The following PCDHGB7 variants were observed in gnomAD, a reference collection of about 807,000 sequenced individuals.
PCDHGB7 encodes protocadherin gamma subfamily B, 7, also known as protocadherin gamma-B7.
A neutral mutation model predicts 61.4 loss-of-function variants in PCDHGB7; 37 were observed. The observed-to-expected ratio is 0.60, with a 90% CI of 0.46 to 0.79. The LOEUF (loss-of-function observed/expected upper bound fraction) is 0.79, where lower values mean the gene tolerates loss of function less well. Ranked by LOEUF, PCDHGB7 falls within the 30% of genes least tolerant of loss-of-function variation. The pLI is 0.00. For synonymous variants in PCDHGB7, 464 were observed against 503.5 expected, an observed-to-expected ratio of 0.92 and a Z score of 1.05; for missense variants, 1,166 against 1,202.5, an observed-to-expected ratio of 0.97 and a Z score of 0.45.
chr5:141,439,459 A>T (rs558086952), intron 1 of PCDHGB7, among the ~76,000 whole-genome samples: 1 of 152,340 alleles, frequency 6.6e-6, no homozygotes, highest in African/African-American at 2.4e-5. Flanking sequence ...GCAAGACTGC[A>T]CTGCTGCCTT....
At chr5:141,453,093 C>A (rs1408495535) in intron 1 of PCDHGB7, among the ~76,000 whole-genome samples, 1 of 151,928 alleles carries the variant, frequency 6.6e-6, no homozygotes, top group African/African-American at 2.4e-5. Context: ...AGTATATTTT[C>A]TGTTGCTTTT....
intron 1 of PCDHGB7, among the ~76,000 whole-genome samples, chr5:141,435,175 C>T (rs1199067294): frequency 6.6e-6 from 1 of 152,030 alleles, no homozygotes; most frequent in East Asian, 1.9e-4. Context: ...TGGCTTTTAA[C>T]TACACTTGAG....
In PCDHGB7 at chr5:141,493,211, G is replaced by C. The variant is rs1312763933; in HGVS notation, c.2416-1596G>C. Reference sequence around the variant, plus strand: ...CTCCTTTGAGAACCTCATCTCATTTGCTCTTCCCACCATTGCTGTTGGCTA... The same window carrying C: ...CTCCTTTGAGAACCTCATCTCATTTCCTCTTCCCACCATTGCTGTTGGCTA... On this transcript the variant is annotated intron_variant, in intron 1 of 3. Transcript: ENST00000398594. The surrounding 1 kb of genome is among the most constrained non-coding windows in gnomAD (Gnocchi z 4.3). 6.6e-6 allele frequency among the ~76,000 whole-genome samples: 1 copy of C among 152,180 alleles called. No individual in the cohort carries two copies. The highest frequency in any genetic ancestry group is 2.4e-5 in the African/African-American group (1 of 41,436).
Position 141,511,606 on chromosome 5 carries a change from G to A in PCDHGB7, c.*433G>A, listed in dbSNP as rs1160129762. The stretch of plus-strand genomic sequence containing the variant: ...TGTTGAAGTACCAAGTAACCTACAA[G>A]CCTCCTAGTTCTGAAAAGTTGGAAG... On this transcript the variant is annotated 3_prime_UTR_variant, in exon 4 of 4. Transcript: ENST00000398594. 2 of 248,594 alleles carry A rather than the reference G, an allele frequency of 8.0e-6. No individual in the cohort carries two copies. Among genetic ancestry groups the A allele is most frequent in the Non-Finnish European group, 1.6e-5 (2 of 123,946 alleles). 15.4% of individuals were successfully genotyped at this position (248,594 alleles called of 1,614,324 possible). A position where few individuals can be genotyped will look rare whatever the true frequency, so the allele number is the denominator to read the frequency against.
At chr5:141,421,986 AG>A in intron 1 of PCDHGB7, 2 of 1,609,004 alleles carry the variant, frequency 1.2e-6, no homozygotes, top group Non-Finnish European at 1.7e-6. Flanking sequence ...TGAGTGTTCC[AG>A]AAAACATCAG....
chr5:141,426,311 G>C (rs895147447), intron 1 of PCDHGB7: 7 of 173,614 alleles, frequency 4.0e-5, no homozygotes, highest in Middle Eastern at 2.9e-3. Context: ...AAGCAGAGAA[G>C]CAGGACCCGG....
In PCDHGB7 at chr5:141,420,276, T is replaced by C; in HGVS notation, c.2415+2T>C. On this transcript the variant is annotated splice_donor_variant, in intron 1 of 3. Coordinates refer to ENST00000398594, the MANE Select transcript of PCDHGB7 (RefSeq NM_018927.4). LOFTEE classifies it high-confidence loss of function. ...GCAGATAAGAAGATTCTTAAACAGG[T>C]AAGTATTTAAAAATGTATTTAATCC... 1 of 1,523,250 alleles carries C rather than the reference T, an allele frequency of 6.6e-7. No individual in the cohort carries two copies. The highest frequency in any genetic ancestry group is 8.9e-7 in the Non-Finnish European group (1 of 1,128,538). The allele number at this position is 1,523,250 out of a possible 1,614,324, so 94.4% of individuals were successfully genotyped here.
At chr5:141,426,581 CCT>C (rs898552856) in intron 1 of PCDHGB7, 1 of 358,350 alleles carries the variant, frequency 2.8e-6, no homozygotes, top group Non-Finnish European at 5.6e-6. Flanking sequence ...TCTTCAAAAT[CCT>C]CTGTGTCATA....
Position 141,476,209 on chromosome 5 carries a change from G to T in PCDHGB7, c.2416-18598G>T, listed in dbSNP as rs749576231. On this transcript the variant is annotated intron_variant, in intron 1 of 3. Coordinates refer to ENST00000398594, the MANE Select transcript of PCDHGB7 (RefSeq NM_018927.4). The surrounding 1 kb of genome is among the most constrained non-coding windows in gnomAD (Gnocchi z 7.6). ...TTGGTGCCTTGAACAAGGCTTCCAC[G>T]GTCATTCACTATGAGATCCCGGAGG... The T allele has an allele frequency of 6.2e-6, 10 of 1,613,974 alleles. No individual in the cohort carries two copies. Among genetic ancestry groups the T allele is most frequent in the Non-Finnish European group, 8.5e-6 (10 of 1,180,026 alleles).
chr5:141,466,766 T>G (rs1309395984), intron 1 of PCDHGB7, among the ~76,000 whole-genome samples: 2 of 152,194 alleles, frequency 1.3e-5, no homozygotes, highest in Non-Finnish European at 2.9e-5. Context: ...TTTCAAACTG[T>G]TATCTTATTC....
intron 1 of PCDHGB7, chr5:141,441,889 GT>G: frequency 2.9e-6 from 1 of 346,022 alleles, no homozygotes; most frequent in South Asian, 2.6e-5. Flanking sequence ...GGTCACCAAG[GT>G]GGTGGCTGTA....
In PCDHGB7 at chr5:141,487,258, G is replaced by T. The variant is rs368598017; in HGVS notation, c.2416-7549G>T. On this transcript the variant is annotated intron_variant, in intron 1 of 3. Transcript: ENST00000398594. The surrounding 1 kb of genome is among the most constrained non-coding windows in gnomAD (Gnocchi z 5.0). ...CTCGTCTAACCCTCTACTTGGCTGT[G>T]TCCCTAGTGGCAATTTGCTTTGTCT... 1.5e-4 allele frequency: 240 copies of T among 1,614,026 alleles called. 1 individual carries two copies. The highest frequency in any genetic ancestry group is 3.3e-5 in the Admixed American group (2 of 60,004).
Position 141,491,205 on chromosome 5 carries a change from A to G in PCDHGB7, c.2416-3602A>G, listed in dbSNP as rs2233609. 2,395 of 1,613,578 alleles carry G rather than the reference A, an allele frequency of 1.5e-3. 36 individuals are homozygous for G. The African/African-American group carries it at 0.028, about 19-fold the overall frequency. On this transcript the variant is annotated intron_variant, in intron 1 of 3. Coordinates refer to ENST00000398594, the MANE Select transcript of PCDHGB7 (RefSeq NM_018927.4). This position sits in a 1 kb window ranked among gnomAD's most constrained non-coding sequence, Gnocchi z 6.9. The stretch of plus-strand genomic sequence containing the variant: ...TGGTGAGGGACAATGGTGACCCTTC[A>G]CTCTCCTCCACAGCCACAGTGCTGC...
chr5:141,431,774 G>T lies in PCDHGB7; in HGVS notation c.2415+11500G>T. Reference sequence around the variant, plus strand: ...AGCCAAAGTCCTGATCACTGTTCTGGACGTGAACGACAATGCCCCAGAAGT... The same window carrying T: ...AGCCAAAGTCCTGATCACTGTTCTGTACGTGAACGACAATGCCCCAGAAGT... On this transcript the variant is annotated intron_variant, in intron 1 of 3. Transcript: ENST00000398594. This position sits in a 1 kb window ranked among gnomAD's most constrained non-coding sequence, Gnocchi z 4.8. 5 of 1,614,204 alleles carry T rather than the reference G, an allele frequency of 3.1e-6. No individual in the cohort carries two copies. The highest frequency in any genetic ancestry group is 4.2e-6 in the Non-Finnish European group (5 of 1,180,038).
chr5:141,468,681 A>G (rs1415798588), intron 1 of PCDHGB7: 1 of 151,830 alleles, frequency 6.6e-6, no homozygotes, highest in African/African-American at 2.4e-5. Flanking sequence ...CCTGGCTAAC[A>G]CGGTGAAACC....
At chr5:141,444,288 C>T (rs2098430665) in intron 1 of PCDHGB7, among the ~76,000 whole-genome samples, 1 of 150,100 alleles carries the variant, frequency 6.7e-6, no homozygotes, top group South Asian at 2.1e-4. Flanking sequence ...TCTCCTGCCT[C>T]AGCCTCCCTA....
intron 1 of PCDHGB7, among the ~76,000 whole-genome samples, chr5:141,466,180 AT>A (rs922532578): frequency 6.6e-6 from 1 of 151,138 alleles, no homozygotes; most frequent in Admixed American, 6.6e-5. Context: ...TTTTATTTTT[AT>A]TTTTTTTCAG....
In PCDHGB7 at chr5:141,418,753, A is replaced by G; in HGVS notation, c.894A>G (p.Thr298=). The change falls in exon 1 of 4, where the codon ACA becomes ACG. Residue 298 remains threonine (T), a synonymous_variant. Coordinates refer to ENST00000398594, the MANE Select transcript of PCDHGB7 (RefSeq NM_018927.4). ...ACGTGTTCTCTCTGGATTACACTAC[A>G]GGAAACATTCTAACTCAGCAGCCTT... is the stretch of plus-strand genomic sequence containing the variant. ...AQHVFSLDYT[T]GNILTQQPLD... 1.2e-6 allele frequency: 2 copies of G among 1,613,974 alleles called. No individual in the cohort carries two copies. Among genetic ancestry groups the G allele is most frequent in the South Asian group, 2.2e-5 (2 of 91,080 alleles).
intron 1 of PCDHGB7, chr5:141,427,310 C>A (rs989300491): frequency 2.2e-5 from 10 of 456,738 alleles, no homozygotes; most frequent in African/African-American, 1.8e-4. Flanking sequence ...ATGACAATGC[C>A]CCAGACGTGG....
Sources: allele counts gnomAD v4.1 joint callset (sites outside exome capture counted in the v4.1 genomes callset), GRCh38; gene constraint gnomAD v4.1.1; non-coding constraint Gnocchi (gnomAD v3.1); transcripts MANE v1.5; gene names NCBI Gene and HGNC (gene_info 2026-07-23, HGNC 2026-07-21).